Variants in PCDHGA9 observed in about 807,000 individuals in gnomAD.
PCDHGA9 encodes protocadherin gamma subfamily A, 9, also known as protocadherin gamma-A9.
PCDHGA9 carries 37 observed loss-of-function variants against 62.5 expected under a neutral mutation model. That is an observed-to-expected ratio of 0.59 (90% CI 0.46 to 0.78). The LOEUF (loss-of-function observed/expected upper bound fraction) is 0.78. Among genes scored for constraint, PCDHGA9 ranks in the 30% least tolerant of loss-of-function variants. The pLI, the probability that PCDHGA9 is intolerant of heterozygous loss-of-function variation, is 0.00. For synonymous variants in PCDHGA9, 459 were observed against 484.6 expected, an observed-to-expected ratio of 0.95 and a Z score of 0.69; for missense variants, 1,138 against 1,166.2, an observed-to-expected ratio of 0.98 and a Z score of 0.35.
Position 141,485,281 on chromosome 5 carries a change from A to G in PCDHGA9, c.2425-9526A>G. 4 of 1,614,156 alleles carry G rather than the reference A, an allele frequency of 2.5e-6. No individual in the cohort carries two copies. In the South Asian group the frequency reaches 3.3e-5, roughly 13 times the overall value. Reference sequence around the variant, plus strand: ...GTGGGCAGATCCGCTACCCGGTCCCAGAGGAGTCACAGGAAGGGACTTTTG... The same window carrying G: ...GTGGGCAGATCCGCTACCCGGTCCCGGAGGAGTCACAGGAAGGGACTTTTG... On this transcript the variant is annotated intron_variant, in intron 1 of 3. Coordinates refer to ENST00000573521, the MANE Select transcript of PCDHGA9 (RefSeq NM_018921.3). The surrounding 1 kb of genome is among the most constrained non-coding windows in gnomAD (Gnocchi z 5.7).
intron 1 of PCDHGA9, chr5:141,418,598 T>G: frequency 6.2e-7 from 1 of 1,614,010 alleles, no homozygotes; most frequent in Non-Finnish European, 8.5e-7. Flanking sequence ...CCAGGACGTG[T>G]ACAGGGTTAG....
chr5:141,410,665 G>A, intron 1 of PCDHGA9: 1 of 1,569,394 alleles, frequency 6.4e-7, no homozygotes, highest in Non-Finnish European at 8.6e-7. Context: ...TAGTCTACTA[G>A]TTTCTCATAT....
chr5:141,451,001 A>G (rs909477017), intron 1 of PCDHGA9, among the ~76,000 whole-genome samples: 1 of 148,266 alleles, frequency 6.7e-6, no homozygotes, highest in African/African-American at 2.5e-5. Context: ...ATTTTTTTGT[A>G]TTTTTTTTAG....
At chr5:141,418,692 C>T in intron 1 of PCDHGA9, 5 of 1,614,032 alleles carry the variant, frequency 3.1e-6, no homozygotes, top group Non-Finnish European at 4.2e-6. Flanking sequence ...TCAGAGATCA[C>T]TTATTCCTTC....
At position 141,489,077 on chromosome 5, in the gene PCDHGA9, C is replaced by T. The variant is rs957205894; in HGVS notation, c.2425-5730C>T. 7 of 325,682 alleles carry T rather than the reference C, an allele frequency of 2.1e-5. 1 individual carries two copies. Among genetic ancestry groups the T allele is most frequent in the South Asian group, 1.5e-4 (3 of 20,214 alleles). 20.2% of individuals were successfully genotyped at this position (325,682 alleles called of 1,614,324 possible). The stretch of plus-strand genomic sequence containing the variant: ...AGCTCCCCTCCCCCCTGCCCACCCC[C>T]GCCACTCGGTGACTAAGAACTGCTG... On this transcript the variant is annotated intron_variant, in intron 1 of 3. Transcript: ENST00000573521. This position sits in a 1 kb window ranked among gnomAD's most constrained non-coding sequence, Gnocchi z 4.5.
intron 1 of PCDHGA9, among the ~76,000 whole-genome samples, chr5:141,448,086 TAA>T (rs558292628): frequency 6.8e-6 from 1 of 146,354 alleles, no homozygotes; most frequent in Middle Eastern, 3.2e-3. Flanking sequence ...AATGCCATCT[TAA>T]AAAAAAAAAA....
Position 141,423,257 on chromosome 5 carries a change from G to T in PCDHGA9, c.2424+17881G>T, listed in dbSNP as rs1412429501. ...ATCCCCGAAGTCCTGGCGGACCTCG[G>T]CAGCCTCGAGTCTCTGGCTAACTCT... On this transcript the variant is annotated intron_variant, in intron 1 of 3. Transcript: ENST00000573521. The T allele has an allele frequency of 8.7e-6, 14 of 1,613,946 alleles. No individual in the cohort carries two copies. The highest frequency in any genetic ancestry group is 1.3e-5 in the African/African-American group (1 of 75,060).
chr5:141,418,273 A>G (rs1440274831), intron 1 of PCDHGA9: 2 of 1,614,082 alleles, frequency 1.2e-6, no homozygotes, highest in Non-Finnish European at 8.5e-7. Flanking sequence ...AAGATGAAAT[A>G]AACTTAGAAA....
rs754530973 is a variant in PCDHGA9 at position 141,413,859 on chromosome 5, C to T, written c.2424+8483C>T. 11 of 1,613,248 alleles carry T rather than the reference C, an allele frequency of 6.8e-6. No individual in the cohort carries two copies. The Admixed American group carries it at 1.7e-4, about 24-fold the overall frequency. On this transcript the variant is annotated intron_variant, in intron 1 of 3. Transcript: ENST00000573521. ...ACGGGGGTGACCCTCTCCGATCTGG[C>T]ACTGTCCTTGTCAGTGTGACTGTCT...
At chr5:141,433,237 A>G in intron 1 of PCDHGA9, 1 of 1,495,940 alleles carries the variant, frequency 6.7e-7, no homozygotes, top group South Asian at 1.3e-5. Flanking sequence ...TCTGTCTCCC[A>G]AGCTGGAATG....
chr5:141,458,421 G>T (rs1294502132), intron 1 of PCDHGA9, among the ~76,000 whole-genome samples: 1 of 152,114 alleles, frequency 6.6e-6, no homozygotes, highest in African/African-American at 2.4e-5. Context: ...GGGTTCCAAA[G>T]CTGAAAGAGG....
intron 1 of PCDHGA9, chr5:141,422,936 C>T: frequency 6.2e-7 from 1 of 1,614,260 alleles, no homozygotes; most frequent in Non-Finnish European, 8.5e-7. Flanking sequence ...GCCCTCCCCA[C>T]AGACGGCTCC....
chr5:141,432,237 A>T lies in PCDHGA9; in HGVS notation c.2424+26861A>T. ...GCCCAGATCACTTATTCCCTGGCTG[A>T]GAACACCATCCAAGGGGCAAGCCTA... On this transcript the variant is annotated intron_variant, in intron 1 of 3. Transcript: ENST00000573521. The surrounding 1 kb of genome is among the most constrained non-coding windows in gnomAD (Gnocchi z 6.0). The T allele has an allele frequency of 2.5e-6, 4 of 1,614,224 alleles. No individual in the cohort carries two copies. Among genetic ancestry groups the T allele is most frequent in the Non-Finnish European group, 3.4e-6 (4 of 1,180,032 alleles).
intron 1 of PCDHGA9, chr5:141,410,350 A>G (rs2154543015): frequency 1.2e-6 from 2 of 1,613,912 alleles, no homozygotes; most frequent in South Asian, 1.1e-5. Context: ...TGCGCCTGCG[A>G]CGCTCTCTCA....
intron 1 of PCDHGA9, among the ~76,000 whole-genome samples, chr5:141,482,530 C>CAAAAAAAAAAAAA (rs3074545): frequency 3.9e-5 from 3 of 76,560 alleles, no homozygotes; most frequent in African/African-American, 9.6e-5. Context: ...GACAGACATG[C>CAAAAAAAAAAAAA]AAAAAAAAAA....
chr5:141,497,237 T>C (rs933112169), intron 2 of PCDHGA9, among the ~76,000 whole-genome samples: 3 of 152,038 alleles, frequency 2.0e-5, no homozygotes, highest in Non-Finnish European at 4.4e-5. Context: ...AGAAGGCTTC[T>C]AGGAGGAGGT....
At chr5:141,427,280 A>G (rs1351534612) in intron 1 of PCDHGA9, 3 of 456,834 alleles carry the variant, frequency 6.6e-6, no homozygotes, top group Non-Finnish European at 8.8e-6. Context: ...GTAAAATTAT[A>G]CTAGAAATCC....
Position 141,487,071 on chromosome 5 carries a change from C to A in PCDHGA9, c.2425-7736C>A. On this transcript the variant is annotated intron_variant, in intron 1 of 3. Coordinates refer to ENST00000573521, the MANE Select transcript of PCDHGA9 (RefSeq NM_018921.3). The surrounding 1 kb of genome is among the most constrained non-coding windows in gnomAD (Gnocchi z 5.0). ...GCTGGGGAGGTGCGGACGGCTGTTC[C>A]TATCCCAGCTGACCTCCCACCACAG... is the stretch of plus-strand genomic sequence containing the variant. The A allele has an allele frequency of 6.2e-7, 1 of 1,614,148 alleles. No individual in the cohort carries two copies. Among genetic ancestry groups the A allele is most frequent in the Non-Finnish European group, 8.5e-7 (1 of 1,180,002 alleles).
chr5:141,437,408 G>A (rs1591455458), intron 1 of PCDHGA9, among the ~76,000 whole-genome samples: 1 of 152,200 alleles, frequency 6.6e-6, no homozygotes, highest in Non-Finnish European at 1.5e-5. Flanking sequence ...CATTCCAGAA[G>A]TATTATGCTT....
Sources: gnomAD v4.1 joint callset for allele counts (sites outside exome capture counted in the v4.1 genomes callset) on GRCh38, gnomAD v4.1.1 for gene constraint, Gnocchi (gnomAD v3.1) non-coding constraint, MANE v1.5 for transcripts, NCBI Gene and HGNC (gene_info 2026-07-23, HGNC 2026-07-21) for gene names.